Variants in MIER1 observed in about 807,000 individuals in gnomAD.
MIER1 encodes mesoderm induction early response protein 1.
MIER1 carries 40 observed loss-of-function variants against 75.7 expected under a neutral mutation model. That is an observed-to-expected ratio of 0.53 (90% CI 0.41 to 0.69). The LOEUF is 0.69. Ranked by LOEUF, MIER1 falls within the 30% of genes least tolerant of loss-of-function variation. The pLI, the probability that MIER1 is intolerant of heterozygous loss-of-function variation, is 0.00. For synonymous variants in MIER1, 213 were observed against 223.4 expected, an observed-to-expected ratio of 0.95 and a Z score of 0.42; for missense variants, 574 against 680.2, an observed-to-expected ratio of 0.84 and a Z score of 1.74.
chr1:66,982,118 A>C (rs567513753), intron 13 of MIER1, among the ~76,000 whole-genome samples, 200 bp downstream of exon 13: 1 of 152,366 alleles, frequency 6.6e-6, no homozygotes, highest in African/African-American at 2.4e-5. Flanking sequence ...AAGTAATTTT[A>C]ATAAAGCCTA....
chr1:66,960,362 A>G (rs1425232601), intron 7 of MIER1, among the ~76,000 whole-genome samples: 1 of 152,212 alleles, frequency 6.6e-6, no homozygotes, highest in Non-Finnish European at 1.5e-5. Flanking sequence ...CTTCGTAACT[A>G]TATACAATTA....
At chr1:66,926,794 T>G (rs1160366730) in intron 2 of MIER1, among the ~76,000 whole-genome samples, 3 of 152,134 alleles carry the variant, frequency 2.0e-5, no homozygotes, top group African/African-American at 4.8e-5. Context: ...ATTTTTTAGT[T>G]TTGGATGTGT....
chr1:66,936,109 G>A (rs1471724511), intron 2 of MIER1, among the ~76,000 whole-genome samples: 1 of 151,974 alleles, frequency 6.6e-6, no homozygotes, highest in Admixed American at 6.5e-5. Flanking sequence ...AAGGTTATGA[G>A]TACATGTTAA....
At chr1:66,984,140 T>TG (rs1317512151) in intron 13 of MIER1, among the ~76,000 whole-genome samples, 2 of 152,270 alleles carry the variant, frequency 1.3e-5, no homozygotes, top group African/African-American at 4.8e-5. Context: ...GCATTCATCT[T>TG]GCTTTTACGT....
intron 12 of MIER1, among the ~76,000 whole-genome samples, chr1:66,979,421 C>T (rs1665457136): frequency 6.6e-6 from 1 of 152,150 alleles, no homozygotes; most frequent in South Asian, 2.1e-4. Context: ...CACATTTTCC[C>T]CTTTTCTGCC....
intron 12 of MIER1, 130 bp from the exon 13 acceptor site, chr1:66,981,649 G>C: frequency 1.5e-6 from 1 of 669,560 alleles, no homozygotes; most frequent in African/African-American, 1.8e-5. Flanking sequence ...TGGTATGATA[G>C]ATGAAGCACT....
At chr1:66,954,418 A>G (rs1234337022) in intron 4 of MIER1, among the ~76,000 whole-genome samples, 1 of 152,230 alleles carries the variant, frequency 6.6e-6, no homozygotes, top group Admixed American at 6.5e-5. Flanking sequence ...TCTTTCAGTA[A>G]TGTATGGCCT....
intron 3 of MIER1, among the ~76,000 whole-genome samples, chr1:66,945,329 A>G (rs1657357095): frequency 6.9e-6 from 1 of 143,966 alleles, no homozygotes; most frequent in Admixed American, 7.0e-5. Context: ...AATACCTAAT[A>G]TAGGTAAATG....
intron 6 of MIER1, 67 bp downstream of exon 6, chr1:66,959,050 CTTTT>C: frequency 7.9e-7 from 1 of 1,263,500 alleles, no homozygotes; most frequent in South Asian, 1.3e-5. Context: ...CTAAAATCCT[CTTTT>C]TTAAACTGGT....
chr1:66,953,747 G>A (rs1659514212), intron 4 of MIER1, among the ~76,000 whole-genome samples: 1 of 151,864 alleles, frequency 6.6e-6, no homozygotes, highest in Non-Finnish European at 1.5e-5. Context: ...GGGATTACAT[G>A]CCCACACCAC....
At chr1:66,983,797 G>T (rs566783542) in intron 13 of MIER1, among the ~76,000 whole-genome samples, 23 of 152,024 alleles carry the variant, frequency 1.5e-4, no homozygotes, top group Admixed American at 9.2e-4. Context: ...GCACAATCTC[G>T]GCTCACTGCA....
chr1:66,982,435 A>G (rs1666084466), intron 13 of MIER1, among the ~76,000 whole-genome samples: 1 of 152,238 alleles, frequency 6.6e-6, no homozygotes, highest in Non-Finnish European at 1.5e-5. Context: ...CTCTCCAAGA[A>G]AAAGAGAAGA....
chr1:66,972,843 T>A, intron 10 of MIER1, 54 bp from the exon 11 acceptor site: 3 of 882,328 alleles, frequency 3.4e-6, no homozygotes, highest in Non-Finnish European at 5.5e-6. Flanking sequence ...AATTTTGTTA[T>A]ATGCAATAAT....
intron 2 of MIER1, among the ~76,000 whole-genome samples, chr1:66,934,045 G>T (rs1268511761): frequency 6.6e-6 from 1 of 152,100 alleles, no homozygotes; most frequent in Non-Finnish European, 1.5e-5. Context: ...GTCTTATTCT[G>T]TGGCTTAGAA....
chr1:66,945,313 ATAT>A (rs1657336334), intron 3 of MIER1, among the ~76,000 whole-genome samples: 3 of 89,808 alleles, frequency 3.3e-5, no homozygotes, highest in South Asian at 3.6e-4. Context: ...ATATATATAT[ATAT>A]AAAATACCTA....
chr1:66,978,197 A>AG (rs1452376973), intron 12 of MIER1, among the ~76,000 whole-genome samples: 3 of 133,350 alleles, frequency 2.2e-5, no homozygotes, highest in Non-Finnish European at 3.3e-5. Flanking sequence ...CTCCATCTCC[A>AG]AAAAAAAAAA....
intron 3 of MIER1, among the ~76,000 whole-genome samples, chr1:66,945,946 CATT>C (rs1330820525): frequency 6.6e-6 from 1 of 152,188 alleles, no homozygotes; most frequent in Non-Finnish European, 1.5e-5. Context: ...ATATTTATAA[CATT>C]ATAAACACTT....
At chr1:66,951,670 C>G (rs1433070517) in intron 4 of MIER1, among the ~76,000 whole-genome samples, 1 of 152,048 alleles carries the variant, frequency 6.6e-6, no homozygotes, top group East Asian at 1.9e-4. Flanking sequence ...TCCTTAACTT[C>G]CTGCGTTCAT....
chr1:66,926,249 AG>A lies in MIER1; in HGVS notation c.168+11del. ...CAAGACGGATGTGATGCTGGTAGGCAGGGGTACACTTGGAGATTAAGGGAGG... is the reference window on the plus strand; with the variant it reads ...CAAGACGGATGTGATGCTGGTAGGCAGGGTACACTTGGAGATTAAGGGAGG... On this transcript the variant is annotated splice_region_variant and intron_variant, in intron 2 of 13. Coordinates refer to ENST00000401041, the MANE Select transcript of MIER1 (RefSeq NM_001077700.3). 6.2e-7 allele frequency: 1 copy of A among 1,603,264 alleles called. No homozygotes were observed. Among genetic ancestry groups the A allele is most frequent in the Non-Finnish European group, 8.5e-7 (1 of 1,170,130 alleles).
Sources: allele counts gnomAD v4.1 joint callset (sites outside exome capture counted in the v4.1 genomes callset), GRCh38; gene constraint gnomAD v4.1.1; transcripts MANE v1.5; gene names NCBI Gene and HGNC (gene_info 2026-07-23, HGNC 2026-07-21).